Variants in HESX1 observed in about 807,000 individuals in gnomAD.
The protein encoded by HESX1 is homeobox expressed in ES cells 1.
In HESX1, 11 loss-of-function variants were observed where a neutral mutation model predicts 22.5. The ratio of observed to expected loss-of-function variants is 0.49; its 90% CI spans 0.31 to 0.81. The LOEUF (loss-of-function observed/expected upper bound fraction) is 0.81, where lower values mean the gene tolerates loss of function less well. Ranked by LOEUF, HESX1 falls within the 30% of genes least tolerant of loss-of-function variation. HESX1 has a pLI of 0.05. For synonymous variants in HESX1, 74 were observed against 76.5 expected, an observed-to-expected ratio of 0.97 and a Z score of 0.17; for missense variants, 201 against 212.6, an observed-to-expected ratio of 0.95 and a Z score of 0.34.
At chr3:57,217,187 G>A (rs2060587206) in intron 1 of HESX1, among the ~76,000 whole-genome samples, 1 of 152,150 alleles carries the variant, frequency 6.6e-6, no homozygotes, top group Non-Finnish European at 1.5e-5. Context: ...TGGGCTGTAT[G>A]TGTGTTCGTT....
intron 1 of HESX1, among the ~76,000 whole-genome samples, chr3:57,214,164 G>A (rs977567530): frequency 1.3e-5 from 2 of 152,140 alleles, no homozygotes; most frequent in African/African-American, 4.8e-5. Context: ...TGATGTCTGG[G>A]TTTTGCTTTC....
exon 1 of HESX1, chr3:57,226,303 G>A (rs896764347): frequency 6.6e-6 from 1 of 152,044 alleles, no homozygotes; most frequent in Non-Finnish European, 1.5e-5. Context: ...TACCTTGAAA[G>A]TCTTCCTTCT....
intron 1 of HESX1, among the ~76,000 whole-genome samples, chr3:57,208,249 T>C (rs1164550027): frequency 2.6e-5 from 4 of 152,214 alleles, no homozygotes; most frequent in African/African-American, 4.8e-5. Context: ...TTGTTCACTA[T>C]ATGCAAAATT....
intron 2 of HESX1, 41 bp from the exon 3 acceptor site, chr3:57,198,533 A>G (rs1057502191): frequency 8.0e-7 from 1 of 1,251,858 alleles, no homozygotes; most frequent in Non-Finnish European, 1.2e-6. Context: ...GTCTCCAAAA[A>G]TGAGCTTTAA....
chr3:57,213,653 G>A (rs559261934), intron 1 of HESX1, among the ~76,000 whole-genome samples: 3 of 152,294 alleles, frequency 2.0e-5, no homozygotes, highest in South Asian at 2.1e-4. Flanking sequence ...CTGGCCAGGC[G>A]CGGTGGCTCA....
intron 1 of HESX1, among the ~76,000 whole-genome samples, chr3:57,216,016 AGT>A (rs1233341810): frequency 6.6e-6 from 1 of 152,196 alleles, no homozygotes; most frequent in East Asian, 1.9e-4. Flanking sequence ...AACCCTGAAT[AGT>A]GTTTTTCCTG....
Position 57,199,952 on chromosome 3 carries a change from C to T in HESX1, c.-34G>A. ...GGTCTGCACAGAGCAACAGCTCTGG[C>T]CTCTGCTGGCTCTGCCCCACGTGTA... is the stretch of plus-strand genomic sequence containing the variant. On this transcript the variant is annotated 5_prime_UTR_variant, in exon 1 of 4. Coordinates refer to ENST00000295934, the MANE Select transcript of HESX1 (RefSeq NM_003865.3). 1.2e-6 allele frequency: 2 copies of T among 1,605,586 alleles called. No homozygotes were observed. Among genetic ancestry groups the T allele is most frequent in the African/African-American group, 1.3e-5 (1 of 74,912 alleles).
intron 1 of HESX1, among the ~76,000 whole-genome samples, chr3:57,216,907 T>C (rs2060585732): frequency 6.6e-6 from 1 of 152,228 alleles, no homozygotes; most frequent in Non-Finnish European, 1.5e-5. Context: ...ATTTATATCA[T>C]TTATTTATAT....
At chr3:57,203,260 G>T (rs536420557), upstream of HESX1, among the ~76,000 whole-genome samples, 7 of 152,316 alleles carry the variant, frequency 4.6e-5, no homozygotes, top group Non-Finnish European at 8.8e-5. Flanking sequence ...TGTTCTAGGT[G>T]TGAGGGATAC....
intron 1 of HESX1, among the ~76,000 whole-genome samples, chr3:57,214,788 GGT>G (rs1179802827): frequency 6.6e-6 from 1 of 152,026 alleles, no homozygotes; most frequent in Admixed American, 6.6e-5. Context: ...CAGAGACAGG[GGT>G]GTGTGTGTGC....
rs567801678 is a variant in HESX1, at chr3:57,220,651, G to A, written c.-111+5645C>T. Reference sequence around the variant, plus strand: ...TCATCATATTGGCCAGGCTAGTCTTGAACTCCTGACCTCAAATGATCCACC... The same window carrying A: ...TCATCATATTGGCCAGGCTAGTCTTAAACTCCTGACCTCAAATGATCCACC... On this transcript the variant is annotated intron_variant, in intron 1 of 2. Coordinates refer to the HESX1 transcript ENST00000495160. 2.8e-4 allele frequency among the ~76,000 whole-genome samples: 42 copies of A among 152,060 alleles called. No homozygotes were observed. In the East Asian group the frequency reaches 8.1e-3, roughly 29 times the overall value.
chr3:57,208,167 T>C (rs1325379207), intron 1 of HESX1, among the ~76,000 whole-genome samples: 1 of 152,202 alleles, frequency 6.6e-6, no homozygotes, highest in African/African-American at 2.4e-5. Flanking sequence ...ATGGGAATGT[T>C]CTATATTTTG....
At chr3:57,211,527 CAAAAAAAAA>C (rs61137408) in intron 1 of HESX1, among the ~76,000 whole-genome samples, 5 of 31,984 alleles carry the variant, frequency 1.6e-4, no homozygotes, top group Admixed American at 4.8e-4. Flanking sequence ...GAGACCTTGT[CAAAAAAAAA>C]AAAAAAAAAA....
chr3:57,212,779 G>C (rs1233487028), intron 1 of HESX1, among the ~76,000 whole-genome samples: 1 of 152,008 alleles, frequency 6.6e-6, no homozygotes, highest in African/African-American at 2.4e-5. Context: ...TAAATAGGAG[G>C]ATGCACATAT....
chr3:57,224,890 A>G (rs1360610317), intron 1 of HESX1, among the ~76,000 whole-genome samples: 1 of 152,212 alleles, frequency 6.6e-6, no homozygotes, highest in South Asian at 2.1e-4. Context: ...AAATGTCTCA[A>G]GGTATATATG....
upstream of HESX1, chr3:57,227,601 G>A (rs1343806483): frequency 1.3e-5 from 4 of 297,766 alleles, no homozygotes; most frequent in Non-Finnish European, 2.5e-5. Flanking sequence ...TCCGACGCCC[G>A]CGCTCGCGGG....
rs191189572 is a variant in HESX1, at chr3:57,223,246, A to G, written c.-111+3050T>C. ...CTTATTAGCTCATAACCATGTTCTCATCTACCTCTCCACAGAAGGGCTATG... is the reference window on the plus strand; with the variant it reads ...CTTATTAGCTCATAACCATGTTCTCGTCTACCTCTCCACAGAAGGGCTATG... On this transcript the variant is annotated intron_variant, in intron 1 of 2. Coordinates refer to the HESX1 transcript ENST00000495160. Among the ~76,000 whole-genome samples the G allele has an allele frequency of 1.5e-3, 223 of 152,310 alleles. 2 individuals are homozygous for G. The highest frequency in any genetic ancestry group is 2.2e-4 in the Non-Finnish European group (15 of 68,024).
intron 1 of HESX1, among the ~76,000 whole-genome samples, chr3:57,222,712 A>G (rs963654763): frequency 1.5e-4 from 23 of 152,214 alleles, no homozygotes; most frequent in African/African-American, 5.3e-4. Flanking sequence ...AAACTCCTAA[A>G]AACCTCAAAA....
rs56093005 is a variant in HESX1 at position 57,212,557 on chromosome 3, CAAAAAAAAA to C, written c.-110-12538_-110-12530del. ...CTGGGGACAGAGCAAGACTCTGTCT[CAAAAAAAAA>C]AAAAAAAAGATTCATTCTATGCTGA... On this transcript the variant is annotated intron_variant, in intron 1 of 2. Coordinates refer to the HESX1 transcript ENST00000495160. Among the ~76,000 whole-genome samples the C allele has an allele frequency of 3.0e-4, 24 of 80,130 alleles. No individual in the cohort carries two copies. In the South Asian group the frequency reaches 9.3e-3, roughly 31 times the overall value. The allele number at this position is 80,130 out of a possible 152,430, so 52.6% of individuals were successfully genotyped here.
Sources: allele counts gnomAD v4.1 joint callset (sites outside exome capture counted in the v4.1 genomes callset), GRCh38; gene constraint gnomAD v4.1.1; transcripts MANE v1.5; gene names NCBI Gene and HGNC (gene_info 2026-07-23, HGNC 2026-07-21).